SH3TC1: variants seen among roughly 807,000 people sequenced by gnomAD.
SH3TC1 encodes the protein SH3 domain and tetratricopeptide repeat-containing protein 1.
SH3TC1 carries 135 observed loss-of-function variants against 117.3 expected under a neutral mutation model. The observed-to-expected ratio is 1.15, with a 90% CI of 1.00 to 1.33. The LOEUF (loss-of-function observed/expected upper bound fraction) is 1.33, where lower values mean the gene tolerates loss of function less well. SH3TC1 is among the 40% of genes most tolerant of loss of function. SH3TC1 has a pLI of 0.00. For synonymous variants in SH3TC1, 898 were observed against 816.9 expected, an observed-to-expected ratio of 1.10 and a Z score of -1.69; for missense variants, 2,092 against 1,794.3, an observed-to-expected ratio of 1.17 and a Z score of -3.00.
Position 8,205,344 on chromosome 4 carries a change from G to A in SH3TC1, c.150G>A (p.Glu50=), listed in dbSNP as rs1457352681. 3.9e-6 allele frequency: 6 copies of A among 1,549,226 alleles called. No individual in the cohort carries two copies. In the Admixed American group the frequency reaches 7.9e-5, roughly 20 times the overall value. The part of the protein sequence containing the change: ...SVSWEKAGPE[E]AKAPVRGDEA... The stretch of plus-strand genomic sequence containing the variant: ...GCTGGGAGAAAGCGGGGCCCGAGGA[G>A]GCCAAGGCGCCAGTGAGAGGCGGTG... The change falls in exon 2 of 18, where the codon GAG becomes GAA. Residue 50 remains glutamate, a synonymous_variant. Transcript: ENST00000245105. This position sits in a 1 kb window ranked among gnomAD's most constrained non-coding sequence, Gnocchi z 5.4.
At chr4:8,218,152 G>C in intron 7 of SH3TC1, 119 bp from the exon 8 acceptor site, 1 of 620,212 alleles carries the variant, frequency 1.6e-6, no homozygotes, top group Non-Finnish European at 2.9e-6. Context: ...GTGTGTGTTG[G>C]GGGAGGCGAG....
In SH3TC1 at chr4:8,241,088, T is replaced by A. The variant is rs973459808; in HGVS notation, c.*133T>A. The A allele has an allele frequency of 2.3e-6, 3 of 1,302,974 alleles. No individual in the cohort carries two copies. The highest frequency in any genetic ancestry group is 3.0e-5 in the African/African-American group (2 of 66,836). The allele number at this position is 1,302,974 out of a possible 1,614,324, so 80.7% of individuals were successfully genotyped here. A position where few individuals can be genotyped will look rare whatever the true frequency, so the allele number is the denominator to read the frequency against. On this transcript the variant is annotated 3_prime_UTR_variant, in exon 18 of 18. Transcript: ENST00000245105. The stretch of plus-strand genomic sequence containing the variant: ...CCAAATAGCAATAAATGGGTTTTGT[T>A]TTTTTTTTGCAATAACTTATTGAAG...
intron 14 of SH3TC1, among the ~76,000 whole-genome samples, chr4:8,234,586 TCCATCCA>T (rs1560115408): frequency 8.6e-5 from 13 of 150,794 alleles, no homozygotes; most frequent in Non-Finnish European, 5.9e-5. Context: ...CATCCACCCA[TCCATCCA>T]TCCATCCATC....
Position 8,225,288 on chromosome 4 carries a change from C to A in SH3TC1, c.1285+72C>A. ...CTTGGGGTAACGCTGGGGGAGGTGA[C>A]AAAGCTGAGCACGGTGGGCATTGGG... On this transcript the variant is annotated intron_variant, in intron 11 of 17. Transcript: ENST00000245105. The surrounding 1 kb of genome is among the most constrained non-coding windows in gnomAD (Gnocchi z 5.5). 1 of 1,519,474 alleles carries A rather than the reference C, an allele frequency of 6.6e-7. No individual in the cohort carries two copies. Among genetic ancestry groups the A allele is most frequent in the Non-Finnish European group, 9.0e-7 (1 of 1,110,766 alleles). 94.1% of individuals were successfully genotyped at this position (1,519,474 alleles called of 1,614,324 possible). A position where few individuals can be genotyped will look rare whatever the true frequency, so the allele number is the denominator to read the frequency against.
At chr4:8,214,707 G>A (rs375349358) in intron 5 of SH3TC1, 127 bp downstream of exon 5, 16 of 779,012 alleles carry the variant, frequency 2.1e-5, no homozygotes, top group Middle Eastern at 2.8e-4. Context: ...GTTTTAAGAC[G>A]AAGTCTTGCT....
intron 14 of SH3TC1, 131 bp downstream of exon 14, chr4:8,233,644 ATCCATCCT>A (rs1446590669): frequency 2.3e-5 from 26 of 1,142,786 alleles, no homozygotes; most frequent in Admixed American, 1.0e-4. Context: ...CCTTCCATCC[ATCCATCCT>A]TCCATCATCT....
chr4:8,184,207 T>C (rs531588165), intron 1 of SH3TC1, among the ~76,000 whole-genome samples: 1 of 152,356 alleles, frequency 6.6e-6, no homozygotes, highest in South Asian at 2.1e-4. Flanking sequence ...CCAACTCAAA[T>C]CCATTATTAC....
At chr4:8,215,990 T>G in intron 5 of SH3TC1, 121 bp from the exon 6 acceptor site, 1 of 1,236,026 alleles carries the variant, frequency 8.1e-7, no homozygotes, top group East Asian at 2.5e-5. Flanking sequence ...CAGGTGGGTG[T>G]CTTCCATGGT....
chr4:8,236,963 C>T lies in SH3TC1; in HGVS notation c.3557-511C>T, dbSNP rs78981779. On this transcript the variant is annotated intron_variant, in intron 16 of 17. Transcript: ENST00000245105. ...GGCCTGGTACACAGGTGTGCAGCCG[C>T]GTGGGAATGCATTGAATGCAGGCTC... is the stretch of plus-strand genomic sequence containing the variant. The T allele has an allele frequency of 2.0e-3, 328 of 162,532 alleles. 2 individuals are homozygous for T. The highest frequency in any genetic ancestry group is 0.012 in the Middle Eastern group (4 of 330). The allele number at this position is 162,532 out of a possible 1,614,324, so 10.1% of individuals were successfully genotyped here.
chr4:8,232,701 C>T, intron 13 of SH3TC1: 1 of 1,290,328 alleles, frequency 7.7e-7, no homozygotes, highest in Non-Finnish European at 1.0e-6. Flanking sequence ...GCCACCCCAC[C>T]CACAGGGCCC....
Position 8,183,693 on chromosome 4 carries a change from C to T in SH3TC1, c.-57+1483C>T, listed in dbSNP as rs936113023. Among the ~76,000 whole-genome samples, 3 of 152,306 alleles carry T rather than the reference C, an allele frequency of 2.0e-5. No individual in the cohort carries two copies. Among genetic ancestry groups the T allele is most frequent in the African/African-American group, 7.2e-5 (3 of 41,546 alleles). Reference sequence around the variant, plus strand: ...AGAGTTCTCGTAAAACCCCACCCAGCGGCCTCTATGATTAGCATCTCACCT... The same window carrying T: ...AGAGTTCTCGTAAAACCCCACCCAGTGGCCTCTATGATTAGCATCTCACCT... On this transcript the variant is annotated intron_variant, in intron 1 of 16. Transcript: ENST00000508641. This position sits in a 1 kb window ranked among gnomAD's most constrained non-coding sequence, Gnocchi z 5.4.
chr4:8,198,903 A>T (rs1717656024), upstream of SH3TC1, among the ~76,000 whole-genome samples: 1 of 152,132 alleles, frequency 6.6e-6, no homozygotes, highest in African/African-American at 2.4e-5. Context: ...CTGCATGCAC[A>T]TGCGTGTGTG....
intron 17 of SH3TC1, among the ~76,000 whole-genome samples, chr4:8,240,153 A>G (rs1722203130): frequency 6.6e-6 from 1 of 152,126 alleles, no homozygotes; most frequent in Non-Finnish European, 1.5e-5. Context: ...ATCCCAACCC[A>G]GGGATGGTGA....
chr4:8,219,831 C>T (rs1341007984), intron 9 of SH3TC1, among the ~76,000 whole-genome samples: 1 of 152,222 alleles, frequency 6.6e-6, no homozygotes, highest in African/African-American at 2.4e-5. Flanking sequence ...CTTAAAGCAA[C>T]AGAAATGTGC....
intron 12 of SH3TC1, 97 bp from the exon 13 acceptor site, chr4:8,231,879 G>T (rs1284315780): frequency 6.4e-6 from 9 of 1,401,876 alleles, no homozygotes; most frequent in Non-Finnish European, 8.8e-6. Context: ...GCTCACAGAG[G>T]TGTGAAAGAG....
intron 17 of SH3TC1, among the ~76,000 whole-genome samples, chr4:8,239,289 A>G (rs1242890103): frequency 6.9e-6 from 1 of 145,206 alleles, no homozygotes. Context: ...ACACATGGAC[A>G]TGCACACATG....
rs1400406601 is a variant in SH3TC1 at position 8,211,528 on chromosome 4, A to C, written c.248-1173A>C. On this transcript the variant is annotated intron_variant, in intron 3 of 17. Transcript: ENST00000245105. ...CTCCCTGCTCTCCTTCTCCCCTTCT[A>C]CTCCTCATTCTCTTCCCCTCTCCCC... 3.3e-4 allele frequency among the ~76,000 whole-genome samples: 17 copies of C among 51,384 alleles called. 4 individuals carry two copies. Among genetic ancestry groups the C allele is most frequent in the East Asian group, 2.0e-3 (3 of 1,522 alleles). 33.7% of individuals were successfully genotyped at this position (51,384 alleles called of 152,430 possible). A position where few individuals can be genotyped will look rare whatever the true frequency, so the allele number is the denominator to read the frequency against.
Position 8,228,514 on chromosome 4 carries a change from G to C in SH3TC1, c.2820G>C (p.Glu940Asp). The C allele has an allele frequency of 6.2e-7, 1 of 1,611,512 alleles. No individual in the cohort carries two copies. The highest frequency in any genetic ancestry group is 1.1e-5 in the South Asian group (1 of 90,962). The change falls in exon 12 of 18, where the codon GAG becomes GAC. Residue 940 changes from glutamate to aspartate, a missense_variant. Transcript: ENST00000245105. ...TGTTCTCGAGGCTGCCCCTTGGGGA[G>C]TGTGGCCGGGACTTCACCCACGTGC... ...VRLFSRLPLG[E>D]CGRDFTHVLL...
Position 8,238,738 on chromosome 4 carries a change from G to A in SH3TC1, c.3753+1068G>A, listed in dbSNP as rs376064847. 3.3e-4 allele frequency among the ~76,000 whole-genome samples: 50 copies of A among 152,328 alleles called. 1 individual carries two copies. In the South Asian group the frequency reaches 9.3e-3, roughly 28 times the overall value. ...TGCTCACTGCTCAGGGGCTGGCCTG[G>A]GACCCAGGGGACGGGCCTTCCAGAG... On this transcript the variant is annotated intron_variant, in intron 17 of 17. Coordinates refer to ENST00000245105, the MANE Select transcript of SH3TC1 (RefSeq NM_018986.5).
Sources: allele counts gnomAD v4.1 joint callset (sites outside exome capture counted in the v4.1 genomes callset), GRCh38; gene constraint gnomAD v4.1.1; non-coding constraint Gnocchi (gnomAD v3.1); transcripts MANE v1.5; gene names NCBI Gene and HGNC (gene_info 2026-07-23, HGNC 2026-07-21).